Variants in RCBTB2 observed in about 807,000 individuals in gnomAD.
RCBTB2 encodes RCC1 and BTB domain containing protein 2.
Under a neutral mutation model 65.4 loss-of-function variants are expected in RCBTB2, and 55 were observed. The observed-to-expected ratio is 0.84, with a 90% CI of 0.68 to 1.05. RCBTB2 has a LOEUF of 1.05. Among genes scored for constraint, RCBTB2 ranks in the 50% least tolerant of loss-of-function variants. RCBTB2 has a pLI of 0.00. For missense variants in RCBTB2, 599 were observed against 680.1 expected (o/e 0.88, Z 1.33); for synonymous variants, 220 against 255.2 (o/e 0.86, Z 1.31).
At chr13:48,525,802 C>T (rs1013028408) in intron 1 of RCBTB2, among the ~76,000 whole-genome samples, 1 of 151,966 alleles carries the variant, frequency 6.6e-6, no homozygotes, top group Non-Finnish European at 1.5e-5. Flanking sequence ...ACAATGTTCA[C>T]CAAAATCACT....
intron 5 of RCBTB2, 58 bp from the exon 6 acceptor site, chr13:48,515,413 A>G (rs1046883149): frequency 2.0e-6 from 3 of 1,528,166 alleles, no homozygotes; most frequent in Non-Finnish European, 2.7e-6. Context: ...TCTATAAATT[A>G]CATCCAAACA....
At chr13:48,518,204 T>A (rs1323335813) in intron 4 of RCBTB2, among the ~76,000 whole-genome samples, 1 of 152,058 alleles carries the variant, frequency 6.6e-6, no homozygotes, top group East Asian at 1.9e-4. Flanking sequence ...ACAAAGAAAC[T>A]AACAGAGAAG....
chr13:48,526,950 T>C (rs1951772632), intron 1 of RCBTB2, among the ~76,000 whole-genome samples: 2 of 152,056 alleles, frequency 1.3e-5, no homozygotes, highest in African/African-American at 4.8e-5. Context: ...TTTTTTTAAA[T>C]AGGAGGATTA....
rs768516566 is a variant in RCBTB2 at position 48,512,111 on chromosome 13, T to C, written c.580A>G (p.Ile194Val). 1.2e-6 allele frequency: 2 copies of C among 1,614,090 alleles called. No homozygotes were observed. The highest frequency in any genetic ancestry group is 1.3e-5 in the African/African-American group (1 of 75,058). ...AGGCAGCCAGTGACTCTTCGAGGGA[T>C]TGGCTGATTAACTGTTGATCCAGAT... ...VGSGSTVNQP[I>V]PRRVTGCLQN... The change falls in exon 8 of 15, where the codon ATC becomes GTC. Residue 194 changes from isoleucine to valine, a missense_variant. By Grantham distance (29) the Ile-to-Val change is conservative. Coordinates refer to ENST00000344532, the MANE Select transcript of RCBTB2 (RefSeq NM_001268.4).
intron 6 of RCBTB2, among the ~76,000 whole-genome samples, chr13:48,514,743 CCTT>C (rs747749577): frequency 4.6e-5 from 7 of 152,176 alleles, no homozygotes; most frequent in Non-Finnish European, 8.8e-5. Context: ...TTATTTTCTT[CCTT>C]TTTTCCTCCT....
chr13:48,505,884 A>G (rs1447855934), intron 10 of RCBTB2, among the ~76,000 whole-genome samples: 2 of 152,206 alleles, frequency 1.3e-5, no homozygotes, highest in Admixed American at 6.5e-5. Flanking sequence ...TTCCGTGACT[A>G]AAAGTGTTTA....
At chr13:48,524,472 G>A (rs993770581) in intron 2 of RCBTB2, among the ~76,000 whole-genome samples, 187 bp downstream of exon 2, 8 of 152,094 alleles carry the variant, frequency 5.3e-5, no homozygotes, top group East Asian at 1.9e-4. Flanking sequence ...TTTCAGTAAC[G>A]TGACCAATAG....
rs745739033 is a variant in RCBTB2 at position 48,521,909 on chromosome 13, C to T, written c.31G>A (p.Asp11Asn). The change falls in exon 4 of 15, where the codon GAC becomes AAC. Residue 11 changes from aspartate to asparagine, a missense_variant. Asp to Asn is a conservative substitution (Grantham distance 23, BLOSUM62 1). Coordinates refer to ENST00000344532, the MANE Select transcript of RCBTB2 (RefSeq NM_001268.4). MEEELPLFSG[D>N]SGKPVQATLS... ...GATTTTTTTCTAACCTTGCCACTGTCTCCAGAGAAAAGAGGAAGTTCTTCT... is the reference window on the plus strand; with the variant it reads ...GATTTTTTTCTAACCTTGCCACTGTTTCCAGAGAAAAGAGGAAGTTCTTCT... 1.9e-6 allele frequency: 3 copies of T among 1,613,802 alleles called. No homozygotes were observed. Among genetic ancestry groups the T allele is most frequent in the Non-Finnish European group, 2.5e-6 (3 of 1,179,840 alleles).
chr13:48,496,313 C>T lies in RCBTB2; in HGVS notation c.1393G>A (p.Asp465Asn), dbSNP rs758232663. The T allele has an allele frequency of 3.8e-6, 6 of 1,571,428 alleles. No homozygotes were observed. The highest frequency in any genetic ancestry group is 4.3e-6 in the Non-Finnish European group (5 of 1,159,242). ...TTTTCTCTATAAAATGTAGCCAAGT[C>T]TAGCAGTCCTGGCGGAAAGAGGTGT... ...LSPEEAVGLL[D>N]LATFYRENRL... Residue 465 changes from aspartate (D) to asparagine (N), a missense_variant, in exon 14 of 15, where the codon GAC becomes AAC. Coordinates refer to ENST00000344532, the MANE Select transcript of RCBTB2 (RefSeq NM_001268.4).
upstream of RCBTB2, among the ~76,000 whole-genome samples, chr13:48,534,081 A>G (rs768375179): frequency 5.3e-5 from 8 of 152,310 alleles, no homozygotes; most frequent in Non-Finnish European, 1.0e-4. Context: ...ATTTATCTCT[A>G]TTCTCTGAGC....
intron 10 of RCBTB2, among the ~76,000 whole-genome samples, chr13:48,503,823 AC>A: frequency 6.6e-6 from 1 of 152,242 alleles, no homozygotes; most frequent in East Asian, 1.9e-4. Flanking sequence ...TGCTGGGATT[AC>A]AGGTGTGAGA....
Position 48,499,698 on chromosome 13 carries a change from A to G in RCBTB2, c.1307T>C (p.Phe436Ser). 1 of 1,614,142 alleles carries G rather than the reference A, an allele frequency of 6.2e-7. No individual in the cohort carries two copies. The highest frequency in any genetic ancestry group is 1.1e-5 in the South Asian group (1 of 91,082). ...GAAGGCCCGGTAAACAGGATATGAA[A>G]ATTCACTCATTTCTACAATATCATC... is the stretch of plus-strand genomic sequence containing the variant. ...NEDDIVEMSE[F>S]SYPVYRAFLE... Residue 436 changes from phenylalanine (F) to serine (S), a missense_variant, in exon 13 of 15, where the codon TTT becomes TCT. Phe to Ser is a radical substitution (Grantham distance 155). Coordinates refer to ENST00000344532, the MANE Select transcript of RCBTB2 (RefSeq NM_001268.4).
At chr13:48,520,566 T>A (rs1478483753) in intron 4 of RCBTB2, among the ~76,000 whole-genome samples, 1 of 152,208 alleles carries the variant, frequency 6.6e-6, no homozygotes. Flanking sequence ...AGACCTGGCA[T>A]CTGTTTGAGA....
intron 2 of RCBTB2, among the ~76,000 whole-genome samples, chr13:48,523,461 C>A (rs1455245476): frequency 6.6e-6 from 1 of 152,200 alleles, no homozygotes; most frequent in Non-Finnish European, 1.5e-5. Context: ...ATTGCTATAA[C>A]CCACAGCCCA....
intron 13 of RCBTB2, among the ~76,000 whole-genome samples, chr13:48,498,531 G>T (rs1456763798): frequency 6.6e-6 from 1 of 152,160 alleles, no homozygotes; most frequent in African/African-American, 2.4e-5. Context: ...GGGAGTTCAA[G>T]ACCAGCCTGA....
chr13:48,506,236 A>G (rs796489522), intron 10 of RCBTB2, among the ~76,000 whole-genome samples: 29 of 152,346 alleles, frequency 1.9e-4, no homozygotes, highest in African/African-American at 6.5e-4. Context: ...ACGGAGGCCA[A>G]CGCCGGGATC....
At chr13:48,515,764 T>C (rs751823880) in intron 4 of RCBTB2, 23 bp from the exon 5 acceptor site, 12 of 1,585,000 alleles carry the variant, frequency 7.6e-6, no homozygotes, top group Non-Finnish European at 1.0e-5. Flanking sequence ...AAATATATGT[T>C]GAAATGACAA....
rs113977574 is a variant in RCBTB2, at chr13:48,516,216, G to A, written c.43-475C>T. Among the ~76,000 whole-genome samples, 662 of 152,268 alleles carry A rather than the reference G, an allele frequency of 4.3e-3. 3 individuals are homozygous for A. Among genetic ancestry groups the A allele is most frequent in the African/African-American group, 0.015 (627 of 41,562 alleles). The stretch of plus-strand genomic sequence containing the variant: ...GAAATGGTCCGAAGTTTTAGTTCAT[G>A]GGCAAGCTTTACTTGGCCTTCAGTT... On this transcript the variant is annotated intron_variant, in intron 4 of 14. Coordinates refer to ENST00000344532, the MANE Select transcript of RCBTB2 (RefSeq NM_001268.4).
intron 1 of RCBTB2, 74 bp downstream of exon 1, chr13:48,532,954 G>A (rs180691951): frequency 1.1e-5 from 5 of 454,936 alleles, no homozygotes; most frequent in South Asian, 6.2e-5. Flanking sequence ...GCCTGCCCCA[G>A]TGGTACCTGA....
Sources: allele counts gnomAD v4.1 joint callset (sites outside exome capture counted in the v4.1 genomes callset), GRCh38; gene constraint gnomAD v4.1.1; transcripts MANE v1.5; gene names NCBI Gene and HGNC (gene_info 2026-07-23, HGNC 2026-07-21).